Variants in RPS6KA3 observed in about 807,000 individuals in gnomAD.
RPS6KA3 encodes ribosomal protein S6 kinase A3.
A neutral mutation model predicts 67.2 loss-of-function variants in RPS6KA3; 4 were observed. The ratio of observed to expected loss-of-function variants is 0.06; its 90% confidence interval spans 0.03 to 0.14. RPS6KA3 has a LOEUF of 0.14. Ranked by LOEUF, RPS6KA3 falls within the 10% of genes least tolerant of loss-of-function variation. The pLI, the probability that RPS6KA3 is intolerant of heterozygous loss-of-function variation, is 1.00. For synonymous variants in RPS6KA3, 182 were observed against 183.7 expected, an observed-to-expected ratio of 0.99 and a Z score of 0.07; for missense variants, 204 against 559.0, an observed-to-expected ratio of 0.36 and a Z score of 6.40.
rs1407378293 is a variant in RPS6KA3 at position 20,150,618 on chromosome X, C to CTTGT, written c.*4776_*4779dup. The CTTGT allele has an allele frequency of 8.9e-6, 1 of 112,331 alleles. No individual in the cohort carries two copies. Among genetic ancestry groups the CTTGT allele is most frequent in the African/African-American group, 3.2e-5 (1 of 30,885 alleles). The allele number at this position is 112,331 out of a possible 1,213,427, so 9.3% of individuals were successfully genotyped here. ...GTACGTGAAAGTTCTATTTTAAATA[C>CTTGT]TTGTTTGAAAAACTCATTATACAGT... is the stretch of plus-strand genomic sequence containing the variant. On this transcript the variant is annotated 3_prime_UTR_variant, in exon 22 of 22. Transcript: ENST00000379565.
intron 6 of RPS6KA3, 142 bp downstream of exon 6, chrX:20,194,047 A>G (rs1478937292): frequency 2.2e-6 from 1 of 451,122 alleles, no homozygotes. Flanking sequence ...AAAAGGTAGG[A>G]AAAGAACTCT....
intron 20 of RPS6KA3, among the ~76,000 whole-genome samples, chrX:20,159,471 T>C (rs868499091): frequency 8.9e-6 from 1 of 112,299 alleles, no homozygotes; most frequent in African/African-American, 3.2e-5. Context: ...TGGCTAATCA[T>C]GGAATTATAT....
chrX:20,213,292 A>C (rs768724876), intron 2 of RPS6KA3, among the ~76,000 whole-genome samples: 1 of 112,401 alleles, frequency 8.9e-6, no homozygotes, highest in South Asian at 3.7e-4. Flanking sequence ...CTTGAAAAAA[A>C]ATTAGTTCTG....
In RPS6KA3 at chrX:20,266,664, C is replaced by T. The variant is rs1333199974; in HGVS notation, c.-32G>A. On this transcript the variant is annotated 5_prime_UTR_variant, in exon 1 of 22. Transcript: ENST00000379565. Reference sequence around the variant, plus strand: ...CCCCGGCCCGCCGCCTTCACCGCCTCCTCCCTCCCCGCCCGCCCCACGGCC... The same window carrying T: ...CCCCGGCCCGCCGCCTTCACCGCCTTCTCCCTCCCCGCCCGCCCCACGGCC... 6 of 1,072,342 alleles carry T rather than the reference C, an allele frequency of 5.6e-6. No homozygotes were observed. Among genetic ancestry groups the T allele is most frequent in the Non-Finnish European group, 7.4e-6 (6 of 814,829 alleles). 88.4% of individuals were successfully genotyped at this position (1,072,342 alleles called of 1,213,427 possible).
chrX:20,256,063 T>G (rs578038609), intron 1 of RPS6KA3, among the ~76,000 whole-genome samples: 1 of 103,603 alleles, frequency 9.7e-6, no homozygotes, highest in East Asian at 3.0e-4. Flanking sequence ...TGAGCCAAGA[T>G]TGAGCCACTG....
chrX:20,199,363 T>C (rs1359567637), intron 4 of RPS6KA3, among the ~76,000 whole-genome samples: 1 of 111,536 alleles, frequency 9.0e-6, no homozygotes, highest in Non-Finnish European at 1.9e-5. Context: ...CTTTCTTAAA[T>C]GTTTGACACT....
intron 1 of RPS6KA3, 94 bp from the exon 2 acceptor site, chrX:20,234,908 A>G: frequency 3.1e-6 from 2 of 654,861 alleles, no homozygotes; most frequent in Non-Finnish European, 5.0e-6. Context: ...AAATTGAGGA[A>G]GATTTTCACC....
At chrX:20,221,892 G>A (rs960927054) in intron 2 of RPS6KA3, among the ~76,000 whole-genome samples, 20 of 112,371 alleles carry the variant, frequency 1.8e-4, no homozygotes, top group African/African-American at 6.5e-4. Context: ...TATTTGGCAC[G>A]TTGTCCTCCA....
chrX:20,191,457 C>T (rs779178652), intron 7 of RPS6KA3, among the ~76,000 whole-genome samples: 2 of 111,752 alleles, frequency 1.8e-5, no homozygotes, highest in Non-Finnish European at 1.9e-5. Flanking sequence ...CTGTCTTCCA[C>T]AATGGTTGAA....
At chrX:20,238,795 A>C (rs1376784815) in intron 1 of RPS6KA3, among the ~76,000 whole-genome samples, 1 of 111,548 alleles carries the variant, frequency 9.0e-6, no homozygotes, top group East Asian at 2.8e-4. Flanking sequence ...TTCTACCAAA[A>C]AAAGCACCTT....
chrX:20,257,265 T>G (rs755954244), intron 1 of RPS6KA3, among the ~76,000 whole-genome samples: 3 of 112,282 alleles, frequency 2.7e-5, no homozygotes, highest in Non-Finnish European at 5.6e-5. Context: ...CCTTGGTTTG[T>G]AGGTAGGAAC....
At chrX:20,238,316 G>A (rs765268736) in intron 1 of RPS6KA3, among the ~76,000 whole-genome samples, 60 of 111,175 alleles carry the variant, frequency 5.4e-4, no homozygotes, top group African/African-American at 1.9e-3. Context: ...CATTATTTTT[G>A]GAATGCCCTC....
intron 15 of RPS6KA3, among the ~76,000 whole-genome samples, chrX:20,171,699 A>G: frequency 9.0e-6 from 1 of 111,596 alleles, no homozygotes; most frequent in South Asian, 3.8e-4. Flanking sequence ...CTGTAATTCA[A>G]AGGGGCCTCA....
intron 17 of RPS6KA3, among the ~76,000 whole-genome samples, chrX:20,167,278 T>C (rs1018650356): frequency 6.2e-5 from 7 of 112,010 alleles, no homozygotes; most frequent in African/African-American, 2.3e-4. Context: ...TTGGTTCTGC[T>C]TCTAACCTGA....
chrX:20,265,973 C>G (rs1231137897), intron 1 of RPS6KA3: 1 of 111,077 alleles, frequency 9.0e-6, no homozygotes, highest in Non-Finnish European at 1.9e-5. Flanking sequence ...GGTAGGGGAC[C>G]TTAGGCTTCC....
At chrX:20,213,264 C>T (rs1191660183) in intron 2 of RPS6KA3, among the ~76,000 whole-genome samples, 2 of 111,955 alleles carry the variant, frequency 1.8e-5, no homozygotes, top group African/African-American at 6.5e-5. Flanking sequence ...CAAGTCTCTT[C>T]TCACCCTCAC....
At chrX:20,194,599 A>C (rs1189702319) in intron 5 of RPS6KA3, among the ~76,000 whole-genome samples, 1 of 111,448 alleles carries the variant, frequency 9.0e-6, no homozygotes, top group African/African-American at 3.3e-5. Flanking sequence ...TACAGAAAAA[A>C]ATATGGGTTG....
At chrX:20,221,805 T>C (rs1002877206) in intron 2 of RPS6KA3, among the ~76,000 whole-genome samples, 1 of 112,736 alleles carries the variant, frequency 8.9e-6, no homozygotes, top group African/African-American at 3.2e-5. Context: ...TTTGTACACA[T>C]TCACATTTAG....
At chrX:20,159,806 T>C (rs2067266229) in intron 20 of RPS6KA3, among the ~76,000 whole-genome samples, 2 of 112,230 alleles carry the variant, frequency 1.8e-5, no homozygotes, top group Admixed American at 1.9e-4. Flanking sequence ...TAAGAATTAC[T>C]GCTCCACAGA....
Sources: allele counts gnomAD v4.1 joint callset (sites outside exome capture counted in the v4.1 genomes callset), GRCh38; gene constraint gnomAD v4.1.1; transcripts MANE v1.5; gene names NCBI Gene and HGNC (gene_info 2026-07-23, HGNC 2026-07-21).